Variants in ARSH observed in about 807,000 individuals in gnomAD.
ARSH encodes arylsulfatase H.
Under a neutral mutation model 28.7 loss-of-function variants are expected in ARSH, and 32 were observed. The observed-to-expected ratio is 1.11, with a 90% confidence interval of 0.84 to 1.50. The LOEUF is 1.50. Ranked by LOEUF, ARSH falls within the 40% of genes most tolerant of loss-of-function variation. ARSH has a pLI of 0.00. For synonymous variants in ARSH, 176 were observed against 177.3 expected, an observed-to-expected ratio of 0.99 and a Z score of 0.06; for missense variants, 440 against 452.4, an observed-to-expected ratio of 0.97 and a Z score of 0.25.
intron 2 of ARSH, among the ~76,000 whole-genome samples, chrX:3,012,582 T>TATATATA (rs1555914111): frequency 3.7e-4 from 7 of 18,961 alleles, no homozygotes; most frequent in Non-Finnish European, 5.2e-4. Flanking sequence ...TATATATATA[T>TATATATA]ATATATATAT....
chrX:3,023,191 AAATT>A lies in ARSH; in HGVS notation c.902-823_902-820del, dbSNP rs1272037874. On this transcript the variant is annotated intron_variant, in intron 5 of 8. Coordinates refer to ENST00000381130, the MANE Select transcript of ARSH (RefSeq NM_001011719.2). ...TTTATATAATTACATTAATATAATA[AAATT>A]AATTAAAGTAATATGTGACACATAT... Among the ~76,000 whole-genome samples, 101 of 104,593 alleles carry A rather than the reference AAATT, an allele frequency of 9.7e-4. 2 individuals are homozygous for A. Among genetic ancestry groups the A allele is most frequent in the African/African-American group, 2.9e-3 (86 of 29,376 alleles). 90.8% of individuals were successfully genotyped at this position (104,593 alleles called of 115,157 possible). A position where few individuals can be genotyped will look rare whatever the true frequency, so the allele number is the denominator to read the frequency against.
At chrX:3,032,708 A>G (rs996234311) in intron 8 of ARSH, among the ~76,000 whole-genome samples, 1 of 111,922 alleles carries the variant, frequency 8.9e-6, no homozygotes, top group Admixed American at 9.5e-5. Context: ...ATCATTTTTA[A>G]TTTTGTTTGT....
At position 3,012,275 on chromosome X, in the gene ARSH, C is replaced by T. The variant is rs187359025; in HGVS notation, c.215-772C>T. Among the ~76,000 whole-genome samples the T allele has an allele frequency of 3.0e-3, 319 of 107,792 alleles. 3 individuals carry two copies. The highest frequency in any genetic ancestry group is 5.1e-3 in the Non-Finnish European group (268 of 52,294). 93.6% of individuals were successfully genotyped at this position (107,792 alleles called of 115,157 possible). On this transcript the variant is annotated intron_variant, in intron 2 of 8. Coordinates refer to ENST00000381130, the MANE Select transcript of ARSH (RefSeq NM_001011719.2). ...TATGGAGGCCAGGCACGGTGGCTCACATCTTTAATCCCAACACTTTGGGAG... is the reference window on the plus strand; with the variant it reads ...TATGGAGGCCAGGCACGGTGGCTCATATCTTTAATCCCAACACTTTGGGAG...
chrX:3,026,409 C>T (rs2089898851), intron 6 of ARSH, among the ~76,000 whole-genome samples: 1 of 111,955 alleles, frequency 8.9e-6, no homozygotes, highest in South Asian at 3.7e-4. Flanking sequence ...TGAATTTTAC[C>T]TCATTTTCTG....
intron 8 of ARSH, among the ~76,000 whole-genome samples, chrX:3,032,245 C>T (rs1201463949): frequency 1.8e-5 from 2 of 110,412 alleles, no homozygotes; most frequent in Admixed American, 2.0e-4. Context: ...GATGTTGCCA[C>T]TGCACTCCAG....
chrX:3,012,937 G>C, intron 2 of ARSH, 110 bp from the exon 3 acceptor site: 3 of 957,680 alleles, frequency 3.1e-6, no homozygotes. Flanking sequence ...AGAAAACTTG[G>C]GGAAGAATGG....
chrX:3,019,923 G>C (rs2089876937), intron 5 of ARSH, among the ~76,000 whole-genome samples: 1 of 110,477 alleles, frequency 9.1e-6, no homozygotes, highest in Non-Finnish European at 1.9e-5. Flanking sequence ...TCCACTATGT[G>C]TGTTTACCTC....
At chrX:3,019,264 C>CAAAAA (rs146298584) in intron 5 of ARSH, among the ~76,000 whole-genome samples, 2 of 69,642 alleles carry the variant, frequency 2.9e-5, no homozygotes, top group African/African-American at 5.4e-5. Flanking sequence ...GATTCTGTTT[C>CAAAAA]AAAAAAAAAA....
chrX:3,019,264 C>CAAAAAAAAAAAAAAAAAAAAAAAAAA (rs146298584), intron 5 of ARSH, among the ~76,000 whole-genome samples: 1 of 69,642 alleles, frequency 1.4e-5, no homozygotes, highest in Non-Finnish European at 2.7e-5. Flanking sequence ...GATTCTGTTT[C>CAAAAAAAAAAAAAAAAAAAAAAAAAA]AAAAAAAAAA....
At chrX:3,007,422 T>A (rs753970420) in intron 1 of ARSH, among the ~76,000 whole-genome samples, 3 of 111,504 alleles carry the variant, frequency 2.7e-5, no homozygotes, top group Non-Finnish European at 5.6e-5. Context: ...GATGTGTCTC[T>A]TCTTAGAATT....
chrX:3,010,096 C>T lies in ARSH; in HGVS notation c.159C>T (p.Ser53=), dbSNP rs1205609729. ...TTACCCAGCATCTCGCAGCTGCTTCCATGTGCACCCCAAGTCGGGCTGCCT... is the reference window on the plus strand; with the variant it reads ...TTACCCAGCATCTCGCAGCTGCTTCTATGTGCACCCCAAGTCGGGCTGCCT... ...VRLTQHLAAA[S]MCTPSRAAFL... Residue 53 remains serine, a synonymous_variant, in exon 2 of 9, where the codon TCC becomes TCT. Coordinates refer to ENST00000381130, the MANE Select transcript of ARSH (RefSeq NM_001011719.2). The T allele has an allele frequency of 1.5e-5, 18 of 1,209,689 alleles. No individual in the cohort carries two copies. The Admixed American group carries it at 3.1e-4, about 21-fold the overall frequency.
rs770140909 is a variant in ARSH at position 3,010,440 on chromosome X, A to G, written c.214+289A>G. Among the ~76,000 whole-genome samples the G allele has an allele frequency of 8.1e-5, 9 of 111,748 alleles. No homozygotes were observed. The South Asian group carries it at 1.5e-3, about 19-fold the overall frequency. Reference sequence around the variant, plus strand: ...CAGGTACTTGTGCTAAGATTTCTCAAGAGACCCCTGATGTCTTTAAGCTAG... The same window carrying G: ...CAGGTACTTGTGCTAAGATTTCTCAGGAGACCCCTGATGTCTTTAAGCTAG... On this transcript the variant is annotated intron_variant, in intron 2 of 8. Coordinates refer to ENST00000381130, the MANE Select transcript of ARSH (RefSeq NM_001011719.2).
chrX:3,029,766 GGC>G (rs1326292938), intron 8 of ARSH, among the ~76,000 whole-genome samples: 1 of 110,863 alleles, frequency 9.0e-6, no homozygotes, highest in Non-Finnish European at 1.9e-5. Context: ...CCTGACCTCA[GGC>G]GATCTGCCCA....
At chrX:3,008,052 G>C (rs755609481) in intron 1 of ARSH, among the ~76,000 whole-genome samples, 1 of 111,953 alleles carries the variant, frequency 8.9e-6, no homozygotes, top group South Asian at 3.7e-4. Context: ...ACAGGAATTT[G>C]GGAGGGACAC....
At position 3,015,224 on chromosome X, in the gene ARSH, G is replaced by A. The variant is rs1378641758; in HGVS notation, c.595G>A (p.Val199Ile). The change falls in exon 4 of 9, where the codon GTC (valine) becomes ATC (isoleucine). Residue 199 changes from valine (V) to isoleucine (I), a missense_variant. Transcript: ENST00000381130. ...CTCAGTGCCATGGAAGGTCATCTTT[G>A]TCTTTGCTCTCCTCGCCTTTCTGTT... is the stretch of plus-strand genomic sequence containing the variant. ...WFSVPWKVIF[V>I]FALLAFLFFT... The A allele has an allele frequency of 1.7e-6, 2 of 1,210,987 alleles. No individual in the cohort carries two copies. Among genetic ancestry groups the A allele is most frequent in the Non-Finnish European group, 1.1e-6 (1 of 895,218 alleles).
At chrX:3,024,239 ATG>A in intron 6 of ARSH, 84 bp downstream of exon 6, 1 of 952,113 alleles carries the variant, frequency 1.1e-6, no homozygotes, top group Non-Finnish European at 1.4e-6. Context: ...TTCATTTGCC[ATG>A]ATGTTCAGAT....
chrX:3,025,583 G>A (rs2147460126), intron 6 of ARSH, among the ~76,000 whole-genome samples: 1 of 107,114 alleles, frequency 9.3e-6, no homozygotes, highest in South Asian at 4.0e-4. Context: ...TATATATATA[G>A]GATTGTGGAT....
At chrX:3,008,521 T>C (rs1461160166) in intron 1 of ARSH, among the ~76,000 whole-genome samples, 1 of 101,022 alleles carries the variant, frequency 9.9e-6, no homozygotes, top group African/African-American at 3.6e-5. Context: ...TTCTTCCCTT[T>C]TTCTTTTCCT....
chrX:3,012,815 A>G (rs1480987980), intron 2 of ARSH, among the ~76,000 whole-genome samples: 1 of 107,076 alleles, frequency 9.3e-6, no homozygotes, highest in African/African-American at 3.4e-5. Flanking sequence ...CTGAAATTCA[A>G]ATGGATATAA....
Sources: gnomAD v4.1 joint callset for allele counts (sites outside exome capture counted in the v4.1 genomes callset) on GRCh38, gnomAD v4.1.1 for gene constraint, MANE v1.5 for transcripts, NCBI Gene and HGNC (gene_info 2026-07-23, HGNC 2026-07-21) for gene names.